Variants in AUTS2 observed in about 807,000 individuals in gnomAD.
AUTS2 encodes the protein autism susceptibility gene 2 protein.
Under a neutral mutation model 112.4 loss-of-function variants are expected in AUTS2, and 17 were observed. The ratio of observed to expected loss-of-function variants is 0.15; its 90% CI spans 0.10 to 0.23. The LOEUF is 0.23. Ranked by LOEUF, AUTS2 falls within the 10% of genes least tolerant of loss-of-function variation. AUTS2 has a pLI of 1.00. For missense variants in AUTS2, 1,510 were observed against 1,701.6 expected, an observed-to-expected ratio of 0.89 and a Z score of 1.98; for synonymous variants, 751 against 702.7, an observed-to-expected ratio of 1.07 and a Z score of -1.09.
At chr7:69,604,189 G>T (rs1439838111) in intron 1 of AUTS2, among the ~76,000 whole-genome samples, 1 of 152,172 alleles carries the variant, frequency 6.6e-6, no homozygotes, top group East Asian at 1.9e-4. Flanking sequence ...TGTTTTCAGG[G>T]CTTCCCCCAC....
chr7:70,513,959 C>T (rs1429932662), intron 5 of AUTS2, among the ~76,000 whole-genome samples: 13 of 152,106 alleles, frequency 8.5e-5, no homozygotes, highest in Admixed American at 8.5e-4. Context: ...TGTGCCTGGC[C>T]CCTTTCTTTT....
At chr7:69,984,672 G>A (rs1051450923) in intron 2 of AUTS2, among the ~76,000 whole-genome samples, 6 of 152,164 alleles carry the variant, frequency 3.9e-5, no homozygotes, top group African/African-American at 1.4e-4. Context: ...GAGGTGGATA[G>A]TCTCTAGAAA....
chr7:70,016,858 G>A (rs537625433), intron 2 of AUTS2, among the ~76,000 whole-genome samples: 95 of 152,094 alleles, frequency 6.2e-4, no homozygotes, highest in African/African-American at 2.2e-3. Flanking sequence ...AGTAGAGACA[G>A]GGTTTCACCA....
At position 69,774,730 on chromosome 7, in the gene AUTS2, T is replaced by C. The variant is rs945479801; in HGVS notation, c.310-124556T>C. 7.9e-5 allele frequency among the ~76,000 whole-genome samples: 12 copies of C among 152,370 alleles called. No homozygotes were observed. The South Asian group carries it at 2.3e-3, about 29-fold the overall frequency. ...CAACAAATAGTGTACTTAGAGCAGG[T>C]ACTTTTAATTTTCTGAGTAAAGTAT... On this transcript the variant is annotated intron_variant, in intron 1 of 18. Coordinates refer to ENST00000342771, the MANE Select transcript of AUTS2 (RefSeq NM_015570.4).
chr7:69,930,004 C>G (rs564589126), intron 2 of AUTS2, among the ~76,000 whole-genome samples: 3 of 152,108 alleles, frequency 2.0e-5, no homozygotes, highest in Non-Finnish European at 2.9e-5. Flanking sequence ...CTTTGATCAC[C>G]TGGAGTTTTG....
intron 5 of AUTS2, among the ~76,000 whole-genome samples, chr7:70,439,396 G>A (rs573889146): frequency 4.6e-5 from 7 of 152,112 alleles, no homozygotes; most frequent in African/African-American, 7.2e-5. Flanking sequence ...AAAATTAGCC[G>A]GGCGTGGTAG....
At chr7:69,671,517 G>C (rs112474647) in intron 1 of AUTS2, among the ~76,000 whole-genome samples, 7 of 143,684 alleles carry the variant, frequency 4.9e-5, no homozygotes, top group East Asian at 2.1e-4. Flanking sequence ...GTGTGTGTGT[G>C]TGTGTGTCTG....
At chr7:69,736,057 G>A (rs1212521769) in intron 1 of AUTS2, among the ~76,000 whole-genome samples, 2 of 152,156 alleles carry the variant, frequency 1.3e-5, no homozygotes, top group South Asian at 4.2e-4. Flanking sequence ...CCTGACATTA[G>A]TGGGCACTCA....
chr7:70,715,512 C>G (rs1373291031), intron 6 of AUTS2, among the ~76,000 whole-genome samples: 1 of 8,790 alleles, frequency 1.1e-4, no homozygotes, highest in African/African-American at 5.0e-4. Flanking sequence ...GTCTTTTTTT[C>G]TTTTCTTTTC....
chr7:70,569,593 G>A (rs1241029768), intron 5 of AUTS2, among the ~76,000 whole-genome samples: 2 of 152,194 alleles, frequency 1.3e-5, no homozygotes, highest in Admixed American at 1.3e-4. Flanking sequence ...CCAGTAATCT[G>A]ATCAGCCATG....
At chr7:70,773,170 T>TC (rs765123240) in intron 11 of AUTS2, among the ~76,000 whole-genome samples, 194 of 151,580 alleles carry the variant, frequency 1.3e-3, no homozygotes, top group East Asian at 0.011. Flanking sequence ...TTTCATTCTT[T>TC]TCCCCCCCTT....
chr7:70,032,322 AATTAAC>A (rs1800820853), intron 2 of AUTS2, among the ~76,000 whole-genome samples: 1 of 152,136 alleles, frequency 6.6e-6, no homozygotes, highest in Non-Finnish European at 1.5e-5. Context: ...TGAAACGTTT[AATTAAC>A]ATTCCCTTCA....
intron 2 of AUTS2, among the ~76,000 whole-genome samples, chr7:69,940,986 A>G (rs576902724): frequency 7.6e-4 from 116 of 152,312 alleles, no homozygotes; most frequent in Admixed American, 2.3e-3. Flanking sequence ...GGATCCTGCA[A>G]GAGAACATGG....
intron 2 of AUTS2, among the ~76,000 whole-genome samples, chr7:70,066,474 A>G (rs764081564): frequency 2.0e-5 from 3 of 152,116 alleles, no homozygotes; most frequent in Non-Finnish European, 4.4e-5. Context: ...GTTTGCAACA[A>G]TCATCTTTAT....
intron 2 of AUTS2, among the ~76,000 whole-genome samples, chr7:70,086,657 A>G (rs1163224587): frequency 2.0e-5 from 3 of 151,920 alleles, no homozygotes; most frequent in South Asian, 2.1e-4. Context: ...AAAAAAAAAA[A>G]AAAGTTTTGT....
At chr7:70,172,299 C>T (rs1808744268) in intron 4 of AUTS2, among the ~76,000 whole-genome samples, 2 of 152,202 alleles carry the variant, frequency 1.3e-5, no homozygotes, top group Admixed American at 1.3e-4. Context: ...GCAGGAAATA[C>T]AGCTTTCCAG....
intron 4 of AUTS2, among the ~76,000 whole-genome samples, chr7:70,369,016 C>T (rs1259030665): frequency 1.3e-5 from 2 of 152,150 alleles, no homozygotes; most frequent in African/African-American, 2.4e-5. Flanking sequence ...GGTAATATAG[C>T]TGTGATTCAG....
chr7:69,983,340 C>CT (rs79738510), intron 2 of AUTS2, among the ~76,000 whole-genome samples: 2,369 of 143,704 alleles, frequency 0.016, 27 homozygotes, highest in East Asian at 0.032. Flanking sequence ...TTTATATAAA[C>CT]TTTTTTTTTT....
At chr7:70,785,877 G>T in intron 16 of AUTS2, 78 bp from the exon 17 acceptor site, 2 of 1,375,070 alleles carry the variant, frequency 1.5e-6, no homozygotes, top group Non-Finnish European at 2.1e-6. Context: ...ATCCCGCATC[G>T]CCCTGCTCCC....
Sources: allele counts gnomAD v4.1 joint callset (sites outside exome capture counted in the v4.1 genomes callset), GRCh38; gene constraint gnomAD v4.1.1; transcripts MANE v1.5; gene names NCBI Gene and HGNC (gene_info 2026-07-23, HGNC 2026-07-21).